The following TRIM55 variants were observed in gnomAD, a reference collection of about 807,000 sequenced individuals.
TRIM55 encodes tripartite motif containing 55, also known as tripartite motif-containing protein 55.
A neutral mutation model predicts 60.9 loss-of-function variants in TRIM55; 50 were observed. The ratio of observed to expected loss-of-function variants is 0.82; its 90% CI spans 0.65 to 1.04. The LOEUF (loss-of-function observed/expected upper bound fraction) is 1.04. Ranked by LOEUF, TRIM55 falls within the 50% of genes least tolerant of loss-of-function variation. TRIM55 has a pLI of 0.00. For missense variants in TRIM55, 681 were observed against 666.9 expected (o/e 1.02, Z -0.23); for synonymous variants, 237 against 238.1 (o/e 1.00, Z 0.04).
intron 7 of TRIM55, among the ~76,000 whole-genome samples, chr8:66,152,072 T>C (rs1177179914): frequency 6.6e-6 from 1 of 152,098 alleles, no homozygotes; most frequent in Non-Finnish European, 1.5e-5. Context: ...CTTGCAGATG[T>C]GGCAGACTGT....
At chr8:66,146,706 G>A (rs929341014) in intron 4 of TRIM55, among the ~76,000 whole-genome samples, 3 of 152,168 alleles carry the variant, frequency 2.0e-5, no homozygotes, top group Non-Finnish European at 4.4e-5. Flanking sequence ...CCTGAAGGTT[G>A]GAACAAAAGA....
At chr8:66,120,566 C>T in the TRIM55 span, among the ~76,000 whole-genome samples, 3 of 152,126 alleles carry the variant, frequency 2.0e-5, no homozygotes, top group African/African-American at 4.8e-5. Flanking sequence ...ATCAATCATG[C>T]CTGCATAATG....
In TRIM55 at chr8:66,174,922, T is replaced by C; in HGVS notation, c.*329T>C. On this transcript the variant is annotated 3_prime_UTR_variant, in exon 10 of 10. Transcript: ENST00000315962. ...GGCAAATGGTGAAAAAAGTGGTCAC[T>C]ATGCTTTTGTCTCTCATAGGCACTG... 5.9e-6 allele frequency: 1 copy of C among 169,192 alleles called. No homozygotes were observed. Among genetic ancestry groups the C allele is most frequent in the East Asian group, 1.8e-4 (1 of 5,456 alleles). 10.5% of individuals were successfully genotyped at this position (169,192 alleles called of 1,614,324 possible).
chr8:66,150,570 A>G, intron 7 of TRIM55, 104 bp downstream of exon 7: 1 of 1,333,248 alleles, frequency 7.5e-7, no homozygotes, highest in Admixed American at 1.9e-5. Context: ...TCCAGAATCA[A>G]TGTCGACAAC....
At chr8:66,149,582 G>A (rs1051296853) in intron 4 of TRIM55, 63 bp from the exon 5 acceptor site, 2 of 1,287,624 alleles carry the variant, frequency 1.6e-6, no homozygotes, top group Non-Finnish European at 2.2e-6. Flanking sequence ...AGGATAACTA[G>A]GTGATTTCTC....
the TRIM55 span, among the ~76,000 whole-genome samples, chr8:66,121,743 G>A: frequency 5.3e-5 from 8 of 152,170 alleles, no homozygotes; most frequent in African/African-American, 1.7e-4. Flanking sequence ...TCCAACCGTA[G>A]GGCAGCCCTT....
intron 4 of TRIM55, among the ~76,000 whole-genome samples, chr8:66,137,625 G>T (rs1417390731): frequency 1.3e-5 from 2 of 152,120 alleles, no homozygotes; most frequent in African/African-American, 2.4e-5. Flanking sequence ...GTGGCCATAA[G>T]GAGGAGAAAG....
In TRIM55 at chr8:66,139,886, A is replaced by T. The variant is rs767022689; in HGVS notation, c.603+2696A>T. On this transcript the variant is annotated intron_variant, in intron 4 of 9. Transcript: ENST00000315962. ...TCATATATAACAGTACAGAAAGTAC[A>T]GTCATGCACCATGTAACATTTTGGT... is the stretch of plus-strand genomic sequence containing the variant. Among the ~76,000 whole-genome samples, 58 of 152,354 alleles carry T rather than the reference A, an allele frequency of 3.8e-4. 1 individual carries two copies. The highest frequency in any genetic ancestry group is 6.6e-4 in the Non-Finnish European group (45 of 68,032).
At chr8:66,160,052 C>T (rs1168189995) in intron 9 of TRIM55, among the ~76,000 whole-genome samples, 1 of 151,742 alleles carries the variant, frequency 6.6e-6, no homozygotes, top group African/African-American at 2.4e-5. Context: ...TGTTTGATTA[C>T]CTGAATAAGT....
chr8:66,143,172 G>T (rs1037063004), intron 4 of TRIM55, among the ~76,000 whole-genome samples: 1 of 152,180 alleles, frequency 6.6e-6, no homozygotes, highest in Non-Finnish European at 1.5e-5. Flanking sequence ...ACAAGTGGTG[G>T]GTCTAAGAGC....
chr8:66,148,399 G>A (rs1037688161), intron 4 of TRIM55, among the ~76,000 whole-genome samples: 4 of 152,298 alleles, frequency 2.6e-5, no homozygotes, highest in African/African-American at 7.2e-5. Flanking sequence ...GATAAATAGA[G>A]GATCTGGTAG....
At chr8:66,161,945 T>C (rs1340823691) in intron 9 of TRIM55, among the ~76,000 whole-genome samples, 1 of 152,084 alleles carries the variant, frequency 6.6e-6, no homozygotes, top group Non-Finnish European at 1.5e-5. Flanking sequence ...TTTGTAGATA[T>C]ATGATCCTAT....
chr8:66,113,722 G>T, the TRIM55 span: 2 of 374,740 alleles, frequency 5.3e-6, no homozygotes, highest in Non-Finnish European at 1.1e-5. Flanking sequence ...CCCGTCTTTG[G>T]CATTGCCCGG....
intron 2 of TRIM55, 73 bp downstream of exon 2, chr8:66,128,549 G>T: frequency 6.7e-7 from 1 of 1,483,624 alleles, no homozygotes; most frequent in Non-Finnish European, 9.2e-7. Context: ...TTAATGGGTT[G>T]CTACGCTGAA....
intron 8 of TRIM55, 128 bp downstream of exon 8, chr8:66,152,755 C>T (rs954805471): frequency 7.5e-5 from 96 of 1,276,490 alleles, no homozygotes; most frequent in African/African-American, 1.0e-4. Context: ...ATATGGTAGA[C>T]GAAAGATTTC....
At chr8:66,114,609 G>A in the TRIM55 span, 1 of 456,204 alleles carries the variant, frequency 2.2e-6, no homozygotes, top group Non-Finnish European at 4.4e-6. Context: ...GACCCACAGG[G>A]AAAACAAAAC....
upstream of TRIM55, among the ~76,000 whole-genome samples, chr8:66,126,092 T>C (rs769194518): frequency 1.2e-4 from 18 of 152,212 alleles, no homozygotes; most frequent in Non-Finnish European, 2.2e-4. Flanking sequence ...AGAGAAACTA[T>C]GGTTTAACAA....
At chr8:66,170,924 G>T (rs942971934) in intron 9 of TRIM55, among the ~76,000 whole-genome samples, 2 of 152,324 alleles carry the variant, frequency 1.3e-5, no homozygotes, top group Middle Eastern at 3.4e-3. Flanking sequence ...TTGTTGATGG[G>T]TGTTAATGAG....
chr8:66,114,616 A>G, the TRIM55 span: 1 of 456,378 alleles, frequency 2.2e-6, no homozygotes, highest in Admixed American at 2.3e-5. Flanking sequence ...AGGGAAAACA[A>G]AACAAGAAAC....
Sources: allele counts gnomAD v4.1 joint callset (sites outside exome capture counted in the v4.1 genomes callset), GRCh38; gene constraint gnomAD v4.1.1; transcripts MANE v1.5; gene names NCBI Gene and HGNC (gene_info 2026-07-23, HGNC 2026-07-21).